Variants in BTG4 observed in about 807,000 individuals in gnomAD.
The protein encoded by BTG4 is protein BTG4.
A neutral mutation model predicts 19.3 loss-of-function variants in BTG4; 10 were observed. That is an observed-to-expected ratio of 0.52 (90% CI 0.32 to 0.88). BTG4 has a LOEUF of 0.88. Ranked by LOEUF, BTG4 falls within the 40% of genes least tolerant of loss-of-function variation. The probability of loss-of-function intolerance (pLI) is 0.04; values close to 1 mark genes in which losing one functional copy is unlikely to be tolerated. For synonymous variants in BTG4, 91 were observed against 95.7 expected (o/e 0.95, Z 0.29); for missense variants, 238 against 281.9 (o/e 0.84, Z 1.11).
intron 1 of BTG4, among the ~76,000 whole-genome samples, chr11:111,508,240 A>G (rs1866602434): frequency 6.6e-6 from 1 of 152,130 alleles, no homozygotes; most frequent in African/African-American, 2.4e-5. Flanking sequence ...AATCTCCTAA[A>G]TGGTCTTTCA....
At chr11:111,486,659 T>A (rs1334463213) in intron 5 of BTG4, among the ~76,000 whole-genome samples, 1 of 152,112 alleles carries the variant, frequency 6.6e-6, no homozygotes, top group Non-Finnish European at 1.5e-5. Context: ...GCAAACTGAA[T>A]TCAATAGCAC....
the BTG4 span, among the ~76,000 whole-genome samples, chr11:111,435,306 G>T: frequency 1.3e-5 from 2 of 152,090 alleles, no homozygotes; most frequent in African/African-American, 4.8e-5. Context: ...GAAAGCACTC[G>T]GGGGTAGTGA....
At chr11:111,484,991 A>C (rs892052528) in intron 5 of BTG4, among the ~76,000 whole-genome samples, 1 of 152,204 alleles carries the variant, frequency 6.6e-6, no homozygotes, top group Admixed American at 6.5e-5. Context: ...ATAGATTTCA[A>C]GACAAAAACT....
the BTG4 span, among the ~76,000 whole-genome samples, chr11:111,412,026 G>A: frequency 1.3e-5 from 2 of 152,170 alleles, no homozygotes; most frequent in African/African-American, 4.8e-5. Flanking sequence ...GTCAGAGAAG[G>A]CAACGGTGTC....
At chr11:111,428,320 C>T in the BTG4 span, among the ~76,000 whole-genome samples, 4 of 148,394 alleles carry the variant, frequency 2.7e-5, no homozygotes, top group South Asian at 2.1e-4. Flanking sequence ...TCTATGATGA[C>T]GTCACAAAGA....
chr11:111,445,621 A>G, the BTG4 span, among the ~76,000 whole-genome samples: 4 of 152,238 alleles, frequency 2.6e-5, no homozygotes, highest in Admixed American at 2.6e-4. Flanking sequence ...GACATTTCAA[A>G]GCAGAGAACA....
At chr11:111,394,156 C>T in the BTG4 span, among the ~76,000 whole-genome samples, 1 of 152,220 alleles carries the variant, frequency 6.6e-6, no homozygotes, top group African/African-American at 2.4e-5. Context: ...CTAGGAATGA[C>T]CCAGGGAACA....
chr11:111,417,511 G>C, the BTG4 span: 2 of 1,710 alleles, frequency 1.2e-3, no homozygotes, highest in African/African-American at 1.5e-3. Flanking sequence ...TCTTGCAAAA[G>C]CTGGGCAGAA....
chr11:111,507,909 G>A (rs865905398), intron 1 of BTG4: 1 of 152,192 alleles, frequency 6.6e-6, no homozygotes, highest in Non-Finnish European at 1.5e-5. Flanking sequence ...AGAACTCCTC[G>A]TGACTTCAAC....
chr11:111,451,722 C>T, the BTG4 span, among the ~76,000 whole-genome samples: 2 of 152,098 alleles, frequency 1.3e-5, no homozygotes, highest in African/African-American at 4.8e-5. Flanking sequence ...CGAGATCGTG[C>T]CACTGCACTC....
chr11:111,511,341 C>T (rs1007796602), intron 1 of BTG4, among the ~76,000 whole-genome samples: 4 of 152,178 alleles, frequency 2.6e-5, no homozygotes, highest in African/African-American at 4.8e-5. Flanking sequence ...ATTCAAACAT[C>T]CTTGGGCAGT....
chr11:111,484,024 G>A (rs553083178), intron 5 of BTG4, among the ~76,000 whole-genome samples: 1 of 152,256 alleles, frequency 6.6e-6, no homozygotes, highest in East Asian at 1.9e-4. Flanking sequence ...ATATCTGGCA[G>A]CAGACATCTT....
chr11:111,444,730 TAGA>T, the BTG4 span, among the ~76,000 whole-genome samples: 7 of 151,996 alleles, frequency 4.6e-5, no homozygotes, highest in African/African-American at 9.7e-5. Context: ...AATTAAAAAG[TAGA>T]AGAAGAGGTA....
downstream of BTG4, among the ~76,000 whole-genome samples, chr11:111,465,066 C>A (rs574014824): frequency 3.9e-5 from 6 of 152,232 alleles, no homozygotes; most frequent in East Asian, 3.9e-4. Context: ...GAAGAGAAGA[C>A]CTTGCTCCCC....
downstream of BTG4, among the ~76,000 whole-genome samples, chr11:111,492,314 T>C (rs895589090): frequency 2.0e-5 from 3 of 152,192 alleles, no homozygotes; most frequent in Non-Finnish European, 2.9e-5. Flanking sequence ...AATCACTCAG[T>C]CTTCTGTCAT....
At chr11:111,409,462 T>C in the BTG4 span, among the ~76,000 whole-genome samples, 1 of 152,158 alleles carries the variant, frequency 6.6e-6, no homozygotes, top group Non-Finnish European at 1.5e-5. Flanking sequence ...GAGTGGGTTC[T>C]TATAAAGCCA....
chr11:111,437,964 C>T, the BTG4 span, among the ~76,000 whole-genome samples: 1 of 152,180 alleles, frequency 6.6e-6, no homozygotes. Flanking sequence ...AGGCCCATAG[C>T]CCCCCAAGCA....
the BTG4 span, among the ~76,000 whole-genome samples, chr11:111,423,165 G>A: frequency 1.3e-5 from 2 of 151,986 alleles, no homozygotes; most frequent in African/African-American, 4.8e-5. Context: ...CCTCCACCCC[G>A]AGTCAGCAAG....
At chr11:111,485,322 T>G (rs1864991021) in intron 5 of BTG4, among the ~76,000 whole-genome samples, 1 of 152,192 alleles carries the variant, frequency 6.6e-6, no homozygotes, top group African/African-American at 2.4e-5. Context: ...CCTCAGCATA[T>G]GGAACATTCT....
Sources: gnomAD v4.1 joint callset for allele counts (sites outside exome capture counted in the v4.1 genomes callset) on GRCh38, gnomAD v4.1.1 for gene constraint, MANE v1.5 for transcripts, NCBI Gene and HGNC (gene_info 2026-07-23, HGNC 2026-07-21) for gene names.